Variants in SDC2 observed in about 807,000 individuals in gnomAD.
The protein encoded by SDC2 is syndecan 2, also known as syndecan-2.
A neutral mutation model predicts 22.2 loss-of-function variants in SDC2; 13 were observed. The ratio of observed to expected loss-of-function variants is 0.59; its 90% confidence interval spans 0.38 to 0.93. SDC2 has a LOEUF of 0.93. Ranked by LOEUF, SDC2 falls within the 40% of genes least tolerant of loss-of-function variation. The probability of loss-of-function intolerance (pLI) is 0.00; values close to 1 mark genes in which losing one functional copy is unlikely to be tolerated. For missense variants in SDC2, 235 were observed against 246.8 expected (o/e 0.95, Z 0.32); for synonymous variants, 94 against 92.8 (o/e 1.01, Z -0.07).
In SDC2 at chr8:96,493,982, G is replaced by C. The variant is rs1227918072; in HGVS notation, c.-290G>C. On this transcript the variant is annotated 5_prime_UTR_variant, in exon 1 of 5. Transcript: ENST00000302190. ...GAGCAAAACCACAGCAGAGCAAGAAGAGCTTCAGAGAGCAGCCTTCCCGGA... is the reference window on the plus strand; with the variant it reads ...GAGCAAAACCACAGCAGAGCAAGAACAGCTTCAGAGAGCAGCCTTCCCGGA... The C allele has an allele frequency of 8.2e-6, 4 of 489,886 alleles. No homozygotes were observed. The highest frequency in any genetic ancestry group is 5.1e-4 in the Middle Eastern group (1 of 1,972). 30.3% of individuals were successfully genotyped at this position (489,886 alleles called of 1,614,324 possible).
chr8:96,532,458 AAAAGAAAG>A (rs1168993030), intron 1 of SDC2, among the ~76,000 whole-genome samples: 8 of 140,782 alleles, frequency 5.7e-5, no homozygotes, highest in Non-Finnish European at 1.0e-4. Flanking sequence ...TTTGGGAAAA[AAAAGAAAG>A]AAAATCTACC....
intron 1 of SDC2, among the ~76,000 whole-genome samples, chr8:96,581,559 G>T (rs916380894): frequency 2.0e-4 from 30 of 152,086 alleles, no homozygotes; most frequent in African/African-American, 7.2e-4. Context: ...TTGAACCTGG[G>T]AGGCAGAGGT....
chr8:96,562,557 A>G (rs914457666), intron 1 of SDC2, among the ~76,000 whole-genome samples: 5 of 152,180 alleles, frequency 3.3e-5, no homozygotes, highest in Admixed American at 3.3e-4. Flanking sequence ...TTGGTGGATT[A>G]GTGAGTCCTT....
chr8:96,524,070 A>AC (rs1226476008), intron 1 of SDC2, among the ~76,000 whole-genome samples: 4 of 152,146 alleles, frequency 2.6e-5, no homozygotes, highest in Non-Finnish European at 5.9e-5. Flanking sequence ...GTGAGCTAAG[A>AC]AGTAGGGCAC....
chr8:96,512,067 CAG>C (rs1813336160), intron 1 of SDC2, among the ~76,000 whole-genome samples: 2 of 152,150 alleles, frequency 1.3e-5, no homozygotes, highest in African/African-American at 4.8e-5. Context: ...AGCCAGGAGA[CAG>C]AGTCAAGGGG....
At chr8:96,603,996 G>A (rs1341915873) in intron 3 of SDC2, among the ~76,000 whole-genome samples, 2 of 152,202 alleles carry the variant, frequency 1.3e-5, no homozygotes, top group African/African-American at 4.8e-5. Context: ...TTGGTGGTAC[G>A]ATGACTGCCT....
At chr8:96,606,595 T>C (rs1451014416) in intron 3 of SDC2, among the ~76,000 whole-genome samples, 1 of 152,002 alleles carries the variant, frequency 6.6e-6, no homozygotes, top group African/African-American at 2.4e-5. Context: ...TGCTGTTGGG[T>C]TGGAGCAGTC....
intron 3 of SDC2, among the ~76,000 whole-genome samples, chr8:96,603,925 A>G (rs1258679859): frequency 1.3e-5 from 2 of 152,334 alleles, no homozygotes; most frequent in Admixed American, 1.3e-4. Flanking sequence ...TACTGTATCA[A>G]TGTTTCAGTT....
chr8:96,595,602 C>T (rs190484704), intron 2 of SDC2, among the ~76,000 whole-genome samples: 8 of 152,198 alleles, frequency 5.3e-5, no homozygotes, highest in African/African-American at 9.6e-5. Context: ...TCCTACTTCG[C>T]AGATCTTAGA....
At chr8:96,563,714 C>G (rs1029591232) in intron 1 of SDC2, among the ~76,000 whole-genome samples, 2 of 152,172 alleles carry the variant, frequency 1.3e-5, no homozygotes, top group Admixed American at 1.3e-4. Flanking sequence ...AAAGAAACAT[C>G]GAATTCATTG....
At chr8:96,591,316 A>T (rs985322753) in intron 1 of SDC2, among the ~76,000 whole-genome samples, 2 of 152,222 alleles carry the variant, frequency 1.3e-5, no homozygotes, top group Admixed American at 1.3e-4. Context: ...TTACTTAAAT[A>T]GATGCAATGC....
intron 1 of SDC2, among the ~76,000 whole-genome samples, chr8:96,525,493 T>C (rs1442587936): frequency 6.6e-6 from 1 of 152,168 alleles, no homozygotes; most frequent in Non-Finnish European, 1.5e-5. Flanking sequence ...CTTTGTGCGT[T>C]GCTTGGGGGC....
intron 1 of SDC2, among the ~76,000 whole-genome samples, chr8:96,579,140 A>G (rs566212245): frequency 3.5e-4 from 53 of 152,338 alleles, no homozygotes; most frequent in African/African-American, 1.2e-3. Context: ...CCACGCTGAC[A>G]ATAAAGCATT....
In SDC2 at chr8:96,493,911, T is replaced by A. The variant is rs1198250192; in HGVS notation, c.-361T>A. ...CCTTTCAAGCCAGCGAATTTATTCC[T>A]TAAAACCAGAAACTGAACCTCGGCA... On this transcript the variant is annotated 5_prime_UTR_variant, in exon 1 of 5. Transcript: ENST00000302190. 1 of 272,386 alleles carries A rather than the reference T, an allele frequency of 3.7e-6. No homozygotes were observed. The highest frequency in any genetic ancestry group is 8.2e-5 in the East Asian group (1 of 12,238). 16.9% of individuals were successfully genotyped at this position (272,386 alleles called of 1,614,324 possible). A position where few individuals can be genotyped will look rare whatever the true frequency, so the allele number is the denominator to read the frequency against.
chr8:96,573,177 A>C (rs1349915500), intron 1 of SDC2, among the ~76,000 whole-genome samples: 1 of 151,936 alleles, frequency 6.6e-6, no homozygotes. Flanking sequence ...TTTAATCTTC[A>C]TGTGAAATTT....
chr8:96,601,799 A>G (rs1814992522), intron 2 of SDC2, among the ~76,000 whole-genome samples: 1 of 151,646 alleles, frequency 6.6e-6, no homozygotes, highest in South Asian at 2.1e-4. Context: ...TCACCCTGCC[A>G]CCCAGGCTGG....
intron 2 of SDC2, among the ~76,000 whole-genome samples, chr8:96,602,048 G>C (rs1193401456): frequency 6.6e-6 from 1 of 152,146 alleles, no homozygotes; most frequent in East Asian, 1.9e-4. Flanking sequence ...GTGAGCCCCT[G>C]CACCTGGACT....
intron 1 of SDC2, among the ~76,000 whole-genome samples, chr8:96,508,730 G>A (rs1813287087): frequency 7.1e-6 from 1 of 141,810 alleles, no homozygotes; most frequent in Admixed American, 7.0e-5. Flanking sequence ...TGCCAAGGCT[G>A]CATTTTATGT....
chr8:96,519,348 A>T (rs1813458260), intron 1 of SDC2, among the ~76,000 whole-genome samples: 2 of 152,142 alleles, frequency 1.3e-5, no homozygotes, highest in Non-Finnish European at 2.9e-5. Context: ...TTGATTAGTG[A>T]TGTTTACTTT....
Sources: allele counts gnomAD v4.1 joint callset (sites outside exome capture counted in the v4.1 genomes callset), GRCh38; gene constraint gnomAD v4.1.1; transcripts MANE v1.5; gene names NCBI Gene and HGNC (gene_info 2026-07-23, HGNC 2026-07-21).